Variants in BMPR1A observed in about 807,000 individuals in gnomAD.
BMPR1A encodes bone morphogenetic protein receptor type-1A.
BMPR1A carries 7 observed loss-of-function variants against 66.0 expected under a neutral mutation model. That is an observed-to-expected ratio of 0.11 (90% CI 0.06 to 0.20). The LOEUF (loss-of-function observed/expected upper bound fraction) is 0.20. Ranked by LOEUF, BMPR1A falls within the 10% of genes least tolerant of loss-of-function variation. The pLI is 1.00. For missense variants in BMPR1A, 408 were observed against 669.1 expected, an observed-to-expected ratio of 0.61 and a Z score of 4.31; for synonymous variants, 200 against 229.7, an observed-to-expected ratio of 0.87 and a Z score of 1.17.
In BMPR1A at chr10:86,927,797, C is replaced by A; in HGVS notation, c.*4078C>A. The A allele has an allele frequency of 5.0e-6, 1 of 200,616 alleles. No individual in the cohort carries two copies. 12.4% of individuals were successfully genotyped at this position (200,616 alleles called of 1,614,324 possible). A position where few individuals can be genotyped will look rare whatever the true frequency, so the allele number is the denominator to read the frequency against. On this transcript the variant is annotated 3_prime_UTR_variant, in exon 13 of 13. Coordinates refer to ENST00000372037, the MANE Select transcript of BMPR1A (RefSeq NM_004329.3). ...GGTAAAAGCAAGCAGTTTTATCAGG[C>A]AGTTGTAAAACACCAAAAATATAGA...
At chr10:86,894,275 C>T (rs1843195900) in intron 5 of BMPR1A, among the ~76,000 whole-genome samples, 2 of 152,246 alleles carry the variant, frequency 1.3e-5, no homozygotes, top group South Asian at 2.1e-4. Context: ...ACATCTCCTC[C>T]ACTCTTCATT....
In BMPR1A at chr10:86,875,967, G is replaced by A; in HGVS notation, c.-52G>A. The A allele has an allele frequency of 7.0e-7, 1 of 1,436,126 alleles. No homozygotes were observed. The highest frequency in any genetic ancestry group is 1.7e-5 in the Admixed American group (1 of 59,734). The allele number at this position is 1,436,126 out of a possible 1,614,324, so 89.0% of individuals were successfully genotyped here. A position where few individuals can be genotyped will look rare whatever the true frequency, so the allele number is the denominator to read the frequency against. On this transcript the variant is annotated 5_prime_UTR_variant, in exon 3 of 13. Coordinates refer to ENST00000372037, the MANE Select transcript of BMPR1A (RefSeq NM_004329.3). Reference sequence around the variant, plus strand: ...GATAGTCATTTAAATTGGTGAAGTAGCAAGACCAATTATTAAAGGTGACAG... The same window carrying A: ...GATAGTCATTTAAATTGGTGAAGTAACAAGACCAATTATTAAAGGTGACAG...
intron 1 of BMPR1A, among the ~76,000 whole-genome samples, chr10:86,816,515 T>C (rs1179409979): frequency 6.6e-6 from 1 of 152,048 alleles, no homozygotes; most frequent in African/African-American, 2.4e-5. Context: ...TTGAAGAGAG[T>C]ACAGAAGAGG....
intron 1 of BMPR1A, among the ~76,000 whole-genome samples, chr10:86,835,249 G>GA (rs200647478): frequency 0.26 from 30,906 of 117,212 alleles, 4,273 homozygotes; most frequent in East Asian, 0.67. Context: ...AAGAAAAAAA[G>GA]AAAAAAAAAA....
At chr10:86,874,397 C>T (rs1391796421) in intron 2 of BMPR1A, among the ~76,000 whole-genome samples, 2 of 151,250 alleles carry the variant, frequency 1.3e-5, no homozygotes, top group African/African-American at 4.8e-5. Flanking sequence ...CCCTCCGCTC[C>T]CCTCCCCTCC....
At chr10:86,877,031 T>G (rs1395731636) in intron 3 of BMPR1A, among the ~76,000 whole-genome samples, 1 of 152,168 alleles carries the variant, frequency 6.6e-6, no homozygotes, top group African/African-American at 2.4e-5. Context: ...TATTTTAAGC[T>G]GAAAAGACAG....
At position 86,765,731 on chromosome 10, in the gene BMPR1A, A is replaced by G. The variant is rs35003569; in HGVS notation, c.-268+8812A>G. 0.04 allele frequency among the ~76,000 whole-genome samples: 6,132 copies of G among 152,252 alleles called. 262 individuals are homozygous for G. The highest frequency in any genetic ancestry group is 0.099 in the African/African-American group (4,111 of 41,516). On this transcript the variant is annotated intron_variant, in intron 1 of 12. Coordinates refer to ENST00000372037, the MANE Select transcript of BMPR1A (RefSeq NM_004329.3). ...TGTTTTCTGTTAACAGAAGTTACAC[A>G]TATTTGTGGTTGAAATTTCAAACAA... is the stretch of plus-strand genomic sequence containing the variant.
intron 1 of BMPR1A, among the ~76,000 whole-genome samples, chr10:86,779,137 T>G (rs1206171505): frequency 6.6e-6 from 1 of 152,182 alleles, no homozygotes; most frequent in African/African-American, 2.4e-5. Flanking sequence ...TATCCATTCC[T>G]CTGTTATTAG....
intron 1 of BMPR1A, among the ~76,000 whole-genome samples, chr10:86,770,060 G>C (rs35959142): frequency 0.093 from 14,166 of 152,110 alleles, 1,358 homozygotes; most frequent in African/African-American, 0.24. Context: ...GGGAGGCCGA[G>C]GTGGGAGGAT....
In BMPR1A at chr10:86,796,490, C is replaced by CATTTATTTATTT. The variant is rs138802508; in HGVS notation, c.-268+39600_-268+39611dup. ...GAATTATATCACATAAATTTAGGCA[C>CATTTATTTATTT]ATTTATTTATTTATTTATTTATTTA... is the stretch of plus-strand genomic sequence containing the variant. On this transcript the variant is annotated intron_variant, in intron 1 of 12. Coordinates refer to ENST00000372037, the MANE Select transcript of BMPR1A (RefSeq NM_004329.3). 2.6e-3 allele frequency among the ~76,000 whole-genome samples: 388 copies of CATTTATTTATTT among 148,198 alleles called. 1 individual carries two copies. The highest frequency in any genetic ancestry group is 6.9e-3 in the African/African-American group (277 of 39,968).
chr10:86,863,639 C>T (rs894996925), intron 2 of BMPR1A, among the ~76,000 whole-genome samples: 4 of 152,124 alleles, frequency 2.6e-5, no homozygotes, highest in Non-Finnish European at 2.9e-5. Context: ...CCTTCTGGGC[C>T]CAACATAGCT....
chr10:86,810,383 A>G (rs950307900), intron 1 of BMPR1A, among the ~76,000 whole-genome samples: 5 of 152,180 alleles, frequency 3.3e-5, no homozygotes, highest in Non-Finnish European at 7.3e-5. Context: ...TAATGCTGCT[A>G]TGAGCATATT....
At chr10:86,822,705 C>G (rs183578022) in intron 1 of BMPR1A, among the ~76,000 whole-genome samples, 1 of 151,876 alleles carries the variant, frequency 6.6e-6, no homozygotes, top group African/African-American at 2.4e-5. Context: ...GGCGCGATCT[C>G]GGCTCACTGC....
intron 1 of BMPR1A, among the ~76,000 whole-genome samples, chr10:86,833,214 G>A (rs1007324956): frequency 6.6e-6 from 1 of 152,180 alleles, no homozygotes; most frequent in Non-Finnish European, 1.5e-5. Context: ...CCAGATGCTC[G>A]ACACTTGGTA....
chr10:86,923,315 T>G, intron 11 of BMPR1A, 61 bp from the exon 12 acceptor site: 2 of 1,604,106 alleles, frequency 1.2e-6, no homozygotes, highest in Non-Finnish European at 1.7e-6. Flanking sequence ...AGATGCTTAC[T>G]AGATTGGTAT....
intron 3 of BMPR1A, chr10:86,889,486 G>A (rs970674850): frequency 6.6e-6 from 1 of 152,558 alleles, no homozygotes; most frequent in African/African-American, 2.4e-5. Context: ...ATCATAACTT[G>A]TCTCTATTTA....
At chr10:86,755,934 C>G (rs1188418490), upstream of BMPR1A, 1 of 152,110 alleles carries the variant, frequency 6.6e-6, no homozygotes, top group African/African-American at 2.4e-5. Flanking sequence ...GGCACGCTGG[C>G]AAGGAGCCCG....
At chr10:86,840,236 C>T (rs1234277825) in intron 2 of BMPR1A, among the ~76,000 whole-genome samples, 1 of 152,192 alleles carries the variant, frequency 6.6e-6, no homozygotes, top group Non-Finnish European at 1.5e-5. Flanking sequence ...GCAGGCTTTG[C>T]TTGCTGCTAC....
At chr10:86,852,108 C>T (rs1459854237) in intron 2 of BMPR1A, among the ~76,000 whole-genome samples, 5 of 149,518 alleles carry the variant, frequency 3.3e-5, no homozygotes, top group Admixed American at 2.0e-4. Flanking sequence ...CTGAAATACC[C>T]CTCACAACTG....
Sources: allele counts gnomAD v4.1 joint callset (sites outside exome capture counted in the v4.1 genomes callset), GRCh38; gene constraint gnomAD v4.1.1; transcripts MANE v1.5; gene names NCBI Gene and HGNC (gene_info 2026-07-23, HGNC 2026-07-21).